Variants in SH3RF3 observed in about 807,000 individuals in gnomAD.
SH3RF3 encodes SH3 domain containing ring finger 3.
In SH3RF3, 29 loss-of-function variants were observed where a neutral mutation model predicts 66.3. The ratio of observed to expected loss-of-function variants is 0.44; its 90% CI spans 0.33 to 0.60. The LOEUF is 0.60. Among genes scored for constraint, SH3RF3 ranks in the 20% least tolerant of loss-of-function variants. SH3RF3 has a pLI of 0.04. For missense variants in SH3RF3, 1,194 were observed against 1,190.9 expected, an observed-to-expected ratio of 1.00 and a Z score of -0.04; for synonymous variants, 583 against 532.0, an observed-to-expected ratio of 1.10 and a Z score of -1.32.
chr2:109,297,544 C>CAGGCAGCCTTGGGTTTGCG (rs1681345474), intron 1 of SH3RF3, among the ~76,000 whole-genome samples: 1 of 148,588 alleles, frequency 6.7e-6, no homozygotes, highest in African/African-American at 2.5e-5. Flanking sequence ...GCCAGTGCCC[C>CAGGCAGCCTTGGGTTTGCG]CCACCCAAGT....
intron 1 of SH3RF3, among the ~76,000 whole-genome samples, chr2:109,237,232 A>T (rs192602659): frequency 1.3e-5 from 2 of 152,352 alleles, no homozygotes; most frequent in Admixed American, 1.3e-4. Flanking sequence ...CCAGCAAAGA[A>T]TGTATAGAAA....
chr2:109,313,399 T>C (rs7584669), intron 1 of SH3RF3, among the ~76,000 whole-genome samples: 47,411 of 152,080 alleles, frequency 0.31, 9,145 homozygotes, highest in African/African-American at 0.55. Flanking sequence ...TGAAGTGTCA[T>C]ATTTTAAGAT....
At chr2:109,321,649 T>C (rs547977614) in intron 1 of SH3RF3, among the ~76,000 whole-genome samples, 1 of 152,350 alleles carries the variant, frequency 6.6e-6, no homozygotes, top group Admixed American at 6.5e-5. Context: ...AAAACCCTCT[T>C]GTGGCAGAAG....
At chr2:109,415,006 G>A (rs1194925616) in intron 4 of SH3RF3, among the ~76,000 whole-genome samples, 2 of 152,230 alleles carry the variant, frequency 1.3e-5, no homozygotes, top group Non-Finnish European at 2.9e-5. Context: ...AGGCCCTCCC[G>A]AGAGGGAAGC....
At chr2:109,465,795 G>GAGGTGCTATACACCTTTAAAC (rs1179494549) in intron 8 of SH3RF3, among the ~76,000 whole-genome samples, 1 of 152,220 alleles carries the variant, frequency 6.6e-6, no homozygotes, top group East Asian at 1.9e-4. Context: ...GGGGAGGGAG[G>GAGGTGCTATACACCTTTAAAC]AGGTGCTATA....
intron 1 of SH3RF3, among the ~76,000 whole-genome samples, chr2:109,224,500 C>T (rs893273685): frequency 9.2e-5 from 14 of 152,142 alleles, no homozygotes; most frequent in East Asian, 1.9e-4. Flanking sequence ...AGTACAGTAG[C>T]GACCAGCCAC....
intron 3 of SH3RF3, among the ~76,000 whole-genome samples, chr2:109,386,247 A>G (rs1443338904): frequency 6.6e-6 from 1 of 152,226 alleles, no homozygotes; most frequent in Non-Finnish European, 1.5e-5. Context: ...GTCCCTGAGG[A>G]TGGCCTAGCC....
chr2:109,284,015 A>G (rs1680958991), intron 1 of SH3RF3, among the ~76,000 whole-genome samples: 1 of 152,082 alleles, frequency 6.6e-6, no homozygotes, highest in Non-Finnish European at 1.5e-5. Context: ...CTGGGTAGGA[A>G]AGCCGAGGGG....
chr2:109,183,233 A>G (rs1459307968), intron 1 of SH3RF3, among the ~76,000 whole-genome samples: 1 of 152,212 alleles, frequency 6.6e-6, no homozygotes, highest in Non-Finnish European at 1.5e-5. Flanking sequence ...CTGATTCTCA[A>G]AAAGCACATC....
intron 1 of SH3RF3, among the ~76,000 whole-genome samples, chr2:109,262,579 C>G (rs1257991457): frequency 6.6e-6 from 1 of 152,164 alleles, no homozygotes; most frequent in African/African-American, 2.4e-5. Context: ...AATGTTGTTT[C>G]TTTTAAAGAA....
At chr2:109,347,439 G>A (rs1444851015) in intron 1 of SH3RF3, among the ~76,000 whole-genome samples, 1 of 152,022 alleles carries the variant, frequency 6.6e-6, no homozygotes. Context: ...CTCAGACAGT[G>A]TCCTTTTTAG....
intron 1 of SH3RF3, among the ~76,000 whole-genome samples, chr2:109,312,963 C>T (rs1412438903): frequency 6.6e-6 from 1 of 152,222 alleles, no homozygotes; most frequent in South Asian, 2.1e-4. Flanking sequence ...CACAGCAGCC[C>T]TTGGATTTCA....
At chr2:109,461,422 C>T (rs1317646533) in intron 8 of SH3RF3, among the ~76,000 whole-genome samples, 3 of 150,928 alleles carry the variant, frequency 2.0e-5, no homozygotes, top group Non-Finnish European at 4.4e-5. Context: ...CACGTAGCAT[C>T]CCTGTCTGTC....
chr2:109,263,331 A>G (rs946796037), intron 1 of SH3RF3, among the ~76,000 whole-genome samples: 59 of 152,210 alleles, frequency 3.9e-4, no homozygotes, highest in African/African-American at 1.4e-3. Flanking sequence ...TGGGTAGATC[A>G]ACTAGCATCA....
At chr2:109,363,821 T>G (rs941452321) in intron 2 of SH3RF3, among the ~76,000 whole-genome samples, 1 of 152,240 alleles carries the variant, frequency 6.6e-6, no homozygotes, top group Non-Finnish European at 1.5e-5. Flanking sequence ...AAAATTCAAA[T>G]GTAACTCTTT....
intron 1 of SH3RF3, among the ~76,000 whole-genome samples, chr2:109,201,990 A>G (rs1678686272): frequency 6.6e-6 from 1 of 152,192 alleles, no homozygotes; most frequent in Non-Finnish European, 1.5e-5. Context: ...AATATGTCCA[A>G]AGGAAACGGG....
chr2:109,247,117 A>G (rs1679936267), intron 1 of SH3RF3, among the ~76,000 whole-genome samples: 1 of 152,128 alleles, frequency 6.6e-6, no homozygotes, highest in African/African-American at 2.4e-5. Flanking sequence ...TTGTAATCCC[A>G]TGGGTGTATG....
chr2:109,135,066 C>T lies in SH3RF3; in HGVS notation c.573+4953C>T, dbSNP rs138789016. Among the ~76,000 whole-genome samples, 117 of 152,350 alleles carry T rather than the reference C, an allele frequency of 7.7e-4. 1 individual carries two copies. Among genetic ancestry groups the T allele is most frequent in the African/African-American group, 2.6e-3 (108 of 41,580 alleles). Reference sequence around the variant, plus strand: ...TGTTGGCTTCATTCTCATCCCTACCCAGTAGGTCTCAAATAGAGGCCGTGG... The same window carrying T: ...TGTTGGCTTCATTCTCATCCCTACCTAGTAGGTCTCAAATAGAGGCCGTGG... On this transcript the variant is annotated intron_variant, in intron 1 of 9. Transcript: ENST00000309415.
chr2:109,389,430 C>A (rs768911109), intron 3 of SH3RF3, among the ~76,000 whole-genome samples: 1 of 152,186 alleles, frequency 6.6e-6, no homozygotes, highest in African/African-American at 2.4e-5. Context: ...GAGGGCATAC[C>A]GCATGAGTGT....
Sources: gnomAD v4.1 joint callset for allele counts (sites outside exome capture counted in the v4.1 genomes callset) on GRCh38, gnomAD v4.1.1 for gene constraint, MANE v1.5 for transcripts, NCBI Gene and HGNC (gene_info 2026-07-23, HGNC 2026-07-21) for gene names.